OSBP2: variants seen among roughly 807,000 people sequenced by gnomAD.
OSBP2 encodes the protein oxysterol-binding protein 2.
A neutral mutation model predicts 96.0 loss-of-function variants in OSBP2; 66 were observed. That is an observed-to-expected ratio of 0.69 (90% confidence interval 0.56 to 0.84). The LOEUF is 0.84. Among genes scored for constraint, OSBP2 ranks in the 40% least tolerant of loss-of-function variants. The probability of loss-of-function intolerance (pLI) is 0.00; values close to 1 mark genes in which losing one functional copy is unlikely to be tolerated. For missense variants in OSBP2, 1,038 were observed against 1,222.7 expected (o/e 0.85, Z 2.25); for synonymous variants, 525 against 520.9 (o/e 1.01, Z -0.11).
chr22:30,874,100 G>A (rs1047470096), intron 3 of OSBP2, among the ~76,000 whole-genome samples: 1 of 152,202 alleles, frequency 6.6e-6, no homozygotes, highest in African/African-American at 2.4e-5. Flanking sequence ...AGCTGGGCAT[G>A]GTGGCACGTA....
At chr22:30,862,156 A>C (rs1160078247) in intron 2 of OSBP2, among the ~76,000 whole-genome samples, 1 of 152,190 alleles carries the variant, frequency 6.6e-6, no homozygotes, top group Non-Finnish European at 1.5e-5. Flanking sequence ...CCATTGCCTG[A>C]GTGGGCAGAG....
At chr22:30,704,989 A>C (rs2089229733) in intron 1 of OSBP2, among the ~76,000 whole-genome samples, 1 of 152,202 alleles carries the variant, frequency 6.6e-6, no homozygotes, top group Non-Finnish European at 1.5e-5. Flanking sequence ...AGTCAGAGTA[A>C]GGGCTGGTTC....
intron 1 of OSBP2, among the ~76,000 whole-genome samples, chr22:30,735,181 G>A (rs2089830897): frequency 6.6e-6 from 1 of 152,114 alleles, no homozygotes; most frequent in Non-Finnish European, 1.5e-5. Flanking sequence ...AACAGAGTGA[G>A]ACTCTATTTC....
chr22:30,842,071 C>T (rs1003172100), intron 2 of OSBP2, among the ~76,000 whole-genome samples: 8 of 152,012 alleles, frequency 5.3e-5, no homozygotes, highest in East Asian at 1.9e-4. Flanking sequence ...CTCAACCTCC[C>T]GAGTAGCTGG....
chr22:30,772,285 A>G (rs1463891453), intron 2 of OSBP2, among the ~76,000 whole-genome samples: 5 of 152,214 alleles, frequency 3.3e-5, no homozygotes, highest in Admixed American at 3.3e-4. Flanking sequence ...GAAGATGGTC[A>G]GAAACACTTA....
chr22:30,745,815 A>G (rs1234369119), intron 2 of OSBP2, among the ~76,000 whole-genome samples: 2 of 152,140 alleles, frequency 1.3e-5, no homozygotes, highest in Non-Finnish European at 2.9e-5. Context: ...AGAAAAAAAG[A>G]GAAGACTCGA....
At chr22:30,849,812 G>C (rs2038942802) in intron 2 of OSBP2, among the ~76,000 whole-genome samples, 1 of 152,216 alleles carries the variant, frequency 6.6e-6, no homozygotes, top group African/African-American at 2.4e-5. Flanking sequence ...TAAAGATAGT[G>C]CTATGTTTTC....
chr22:30,739,902 C>T (rs765266893), intron 1 of OSBP2, among the ~76,000 whole-genome samples: 39 of 152,118 alleles, frequency 2.6e-4, no homozygotes, highest in Middle Eastern at 3.4e-3. Flanking sequence ...TGCAGTGGCG[C>T]GATCTTGGCT....
At chr22:30,844,494 G>T in intron 2 of OSBP2, 1 of 156,886 alleles carries the variant, frequency 6.4e-6, no homozygotes, top group South Asian at 1.8e-4. Flanking sequence ...TCATGGAGAT[G>T]GCTTATTTCC....
At chr22:30,873,493 C>T (rs745324165) in intron 3 of OSBP2, among the ~76,000 whole-genome samples, 19 of 152,140 alleles carry the variant, frequency 1.2e-4, no homozygotes, top group Admixed American at 6.5e-4. Context: ...AGCCACGCAC[C>T]GCAGTCCCCA....
intron 2 of OSBP2, among the ~76,000 whole-genome samples, chr22:30,762,503 C>G (rs1367560323): frequency 6.6e-6 from 1 of 151,992 alleles, no homozygotes; most frequent in Non-Finnish European, 1.5e-5. Flanking sequence ...GATTGCACCA[C>G]TGCACTCCAG....
chr22:30,775,582 T>C (rs2090421481), intron 2 of OSBP2, among the ~76,000 whole-genome samples: 2 of 152,076 alleles, frequency 1.3e-5, no homozygotes, highest in Non-Finnish European at 2.9e-5. Context: ...TCGCACCACT[T>C]CACTCCAGCT....
At chr22:30,737,691 G>T (rs553975720) in intron 1 of OSBP2, among the ~76,000 whole-genome samples, 1 of 151,692 alleles carries the variant, frequency 6.6e-6, no homozygotes, top group East Asian at 1.9e-4. Flanking sequence ...AATGTTCACT[G>T]TCTTAGTTTT....
chr22:30,713,879 C>T (rs2089400992), intron 1 of OSBP2, among the ~76,000 whole-genome samples: 1 of 152,166 alleles, frequency 6.6e-6, no homozygotes, highest in Admixed American at 6.6e-5. Flanking sequence ...ATATCCATCA[C>T]CTCAAACATT....
chr22:30,874,604 C>G (rs2039538271), intron 3 of OSBP2, among the ~76,000 whole-genome samples: 1 of 152,200 alleles, frequency 6.6e-6, no homozygotes, highest in Non-Finnish European at 1.5e-5. Context: ...CACGCACCGT[C>G]TGGTCCTCGC....
At chr22:30,822,678 C>T in intron 2 of OSBP2, 1 of 1,533,888 alleles carries the variant, frequency 6.5e-7, no homozygotes, top group Non-Finnish European at 8.7e-7. Context: ...GCTCCTTCTG[C>T]AGCTCCGGCT....
chr22:30,842,727 T>C (rs2038778008), intron 2 of OSBP2: 1 of 153,910 alleles, frequency 6.5e-6, no homozygotes. Flanking sequence ...AGCAACTCTT[T>C]ATTCGTTCAA....
At chr22:30,892,060 G>T (rs2039960929) in intron 8 of OSBP2, among the ~76,000 whole-genome samples, 1 of 152,156 alleles carries the variant, frequency 6.6e-6, no homozygotes, top group South Asian at 2.1e-4. Context: ...TGACCTGCCA[G>T]AGGAACCCTC....
At chr22:30,789,536 A>G (rs887139599) in intron 2 of OSBP2, among the ~76,000 whole-genome samples, 4 of 152,206 alleles carry the variant, frequency 2.6e-5, no homozygotes, top group Non-Finnish European at 4.4e-5. Flanking sequence ...AAACTCAGAT[A>G]CTTGTAAAAG....
Sources: allele counts gnomAD v4.1 joint callset (sites outside exome capture counted in the v4.1 genomes callset), GRCh38; gene constraint gnomAD v4.1.1; transcripts MANE v1.5; gene names NCBI Gene and HGNC (gene_info 2026-07-23, HGNC 2026-07-21).